The following ST18 variants were observed in gnomAD, a reference collection of about 807,000 sequenced individuals.
ST18 encodes the protein suppression of tumorigenicity 18 protein.
A neutral mutation model predicts 110.0 loss-of-function variants in ST18; 50 were observed. The observed-to-expected ratio is 0.45, with a 90% CI of 0.36 to 0.58. The LOEUF is 0.58. Among genes scored for constraint, ST18 ranks in the 20% least tolerant of loss-of-function variants. The pLI is 0.00. For missense variants in ST18, 1,306 were observed against 1,280.1 expected (o/e 1.02, Z -0.31); for synonymous variants, 461 against 452.4 (o/e 1.02, Z -0.24).
intron 2 of ST18, among the ~76,000 whole-genome samples, chr8:52,277,366 G>A (rs567883061): frequency 1.3e-5 from 2 of 152,218 alleles, no homozygotes; most frequent in African/African-American, 2.4e-5. Context: ...CCCCTGAACC[G>A]TGGAAATCAT....
chr8:52,190,012 A>G (rs1045184281), intron 8 of ST18, among the ~76,000 whole-genome samples: 8 of 152,200 alleles, frequency 5.3e-5, no homozygotes, highest in African/African-American at 1.9e-4. Flanking sequence ...AATGGCAAAC[A>G]TTAGTACAGG....
chr8:52,375,218 A>T (rs1207176764), intron 2 of ST18, among the ~76,000 whole-genome samples: 1 of 152,080 alleles, frequency 6.6e-6, no homozygotes, highest in African/African-American at 2.4e-5. Flanking sequence ...AACCAAAATG[A>T]CAAAACAAAA....
intron 2 of ST18, among the ~76,000 whole-genome samples, chr8:52,263,834 C>T (rs2094781021): frequency 7.1e-6 from 1 of 140,216 alleles, no homozygotes; most frequent in Non-Finnish European, 1.5e-5. Context: ...GCAACCTCTG[C>T]CTCCTGGATT....
Position 52,167,292 on chromosome 8 carries a change from TAGGGGATGAAC to T in ST18, c.1070-317_1070-307del, listed in dbSNP as rs1172964947. Among the ~76,000 whole-genome samples, 3 of 152,322 alleles carry T rather than the reference TAGGGGATGAAC, an allele frequency of 2.0e-5. No homozygotes were observed. The East Asian group carries it at 5.8e-4, about 29-fold the overall frequency. On this transcript the variant is annotated intron_variant, in intron 10 of 25. Transcript: ENST00000689386. ...TCATTATGAAAAATCAACCCTGTGC[TAGGGGATGAAC>T]AGGCTCCCGAAAAGAAAAAATAGTG...
intron 2 of ST18, among the ~76,000 whole-genome samples, chr8:52,365,546 T>C (rs1827523176): frequency 6.7e-6 from 1 of 148,440 alleles, no homozygotes; most frequent in South Asian, 2.2e-4. Flanking sequence ...ACATAATATA[T>C]ACTGGTAACT....
chr8:52,130,339 T>A (rs1471639909), intron 22 of ST18, among the ~76,000 whole-genome samples: 1 of 152,194 alleles, frequency 6.6e-6, no homozygotes, highest in African/African-American at 2.4e-5. Flanking sequence ...TCACCAGGCT[T>A]GAGTGCAGTG....
intron 2 of ST18, among the ~76,000 whole-genome samples, chr8:52,389,953 A>C (rs1470380079): frequency 6.6e-6 from 1 of 152,094 alleles, no homozygotes; most frequent in East Asian, 1.9e-4. Flanking sequence ...AACAACAACA[A>C]AAAGTTTAAT....
intron 2 of ST18, among the ~76,000 whole-genome samples, chr8:52,304,232 C>T (rs1362041101): frequency 1.3e-5 from 2 of 152,062 alleles, no homozygotes; most frequent in African/African-American, 4.8e-5. Context: ...ATAAAGTTAT[C>T]ATATAAAATT....
chr8:52,260,154 C>A (rs1470759679), intron 2 of ST18, among the ~76,000 whole-genome samples: 2 of 152,114 alleles, frequency 1.3e-5, no homozygotes, highest in African/African-American at 2.4e-5. Context: ...AACACTAAAA[C>A]ATAGTTTACA....
intron 11 of ST18, 62 bp downstream of exon 11, chr8:52,166,790 G>A (rs1311678833): frequency 3.5e-6 from 5 of 1,429,306 alleles, no homozygotes; most frequent in Middle Eastern, 1.9e-4. Flanking sequence ...GAGACAAAGA[G>A]GATAACATCT....
intron 2 of ST18, among the ~76,000 whole-genome samples, chr8:52,398,796 T>C (rs575803110): frequency 6.6e-6 from 1 of 152,142 alleles, no homozygotes; most frequent in African/African-American, 2.4e-5. Flanking sequence ...ATAAACTTGG[T>C]CATGATGTAT....
rs749298513 is a variant in ST18 at position 52,409,692 on chromosome 8, C to T, written c.-734G>A. On this transcript the variant is annotated 5_prime_UTR_variant, in exon 1 of 26. Coordinates refer to ENST00000689386, the MANE Select transcript of ST18 (RefSeq NM_001352837.2). ...TTTTTCTCTCCTTACCTCTAGTATTCCCCTGAGGTCACATTCAGTTAAAAA... is the reference window on the plus strand; with the variant it reads ...TTTTTCTCTCCTTACCTCTAGTATTTCCCTGAGGTCACATTCAGTTAAAAA... 6.6e-6 allele frequency: 1 copy of T among 152,254 alleles called. No homozygotes were observed. Among genetic ancestry groups the T allele is most frequent in the South Asian group, 2.1e-4 (1 of 4,834 alleles). The allele number at this position is 152,254 out of a possible 1,614,324, so 9.4% of individuals were successfully genotyped here. A position where few individuals can be genotyped will look rare whatever the true frequency, so the allele number is the denominator to read the frequency against.
At chr8:52,247,224 A>C (rs1325304056) in intron 2 of ST18, among the ~76,000 whole-genome samples, 1 of 152,206 alleles carries the variant, frequency 6.6e-6, no homozygotes, top group Non-Finnish European at 1.5e-5. Context: ...ACACAAATTA[A>C]GTTTCTCAAA....
chr8:52,309,743 C>T (rs1275261464), intron 2 of ST18, among the ~76,000 whole-genome samples: 1 of 152,064 alleles, frequency 6.6e-6, no homozygotes, highest in African/African-American at 2.4e-5. Context: ...GGAAACCATA[C>T]ATCATCTGCT....
intron 3 of ST18, among the ~76,000 whole-genome samples, chr8:52,225,024 G>C (rs960290130): frequency 6.6e-6 from 1 of 152,196 alleles, no homozygotes; most frequent in African/African-American, 2.4e-5. Context: ...GATTGCTGAA[G>C]TCATCCAGAG....
intron 10 of ST18, among the ~76,000 whole-genome samples, chr8:52,171,347 C>T (rs974060159): frequency 3.2e-4 from 48 of 152,304 alleles, no homozygotes; most frequent in African/African-American, 8.7e-4. Context: ...GGCTCATAAA[C>T]GCATTAACAT....
chr8:52,349,487 G>C (rs1445151296), intron 2 of ST18, among the ~76,000 whole-genome samples: 2 of 152,100 alleles, frequency 1.3e-5, no homozygotes, highest in African/African-American at 4.8e-5. Flanking sequence ...ATCCCACCCA[G>C]CCATCTAAAA....
chr8:52,202,865 G>C, intron 8 of ST18, among the ~76,000 whole-genome samples: 1 of 151,918 alleles, frequency 6.6e-6, no homozygotes, highest in South Asian at 2.1e-4. Flanking sequence ...GTGGGAAGGG[G>C]GATAAAAGTG....
chr8:52,147,590 G>C (rs1373430993), intron 16 of ST18, among the ~76,000 whole-genome samples: 1 of 152,022 alleles, frequency 6.6e-6, no homozygotes, highest in African/African-American at 2.4e-5. Flanking sequence ...ATAAGGATGA[G>C]TGCAGAAAGC....
Sources: allele counts gnomAD v4.1 joint callset (sites outside exome capture counted in the v4.1 genomes callset), GRCh38; gene constraint gnomAD v4.1.1; transcripts MANE v1.5; gene names NCBI Gene and HGNC (gene_info 2026-07-23, HGNC 2026-07-21).